Variants in TNS1 observed in about 807,000 individuals in gnomAD.
TNS1 encodes tensin-1.
In TNS1, 62 loss-of-function variants were observed where a neutral mutation model predicts 168.6. The observed-to-expected ratio is 0.37, with a 90% CI of 0.30 to 0.45. The LOEUF is 0.45. TNS1 is among the 20% of genes least tolerant of loss of function. The pLI is 1.00. For missense variants in TNS1, 2,240 were observed against 2,339.4 expected (o/e 0.96, Z 0.88); for synonymous variants, 934 against 933.2 (o/e 1.00, Z -0.02).
intron 24 of TNS1, among the ~76,000 whole-genome samples, chr2:217,815,858 T>C (rs1574594252): frequency 1.3e-5 from 2 of 152,210 alleles, no homozygotes; most frequent in Admixed American, 1.3e-4. Context: ...GCCTATGTTC[T>C]GCATCACATA....
At chr2:217,937,389 C>T (rs1046847075) in intron 3 of TNS1, among the ~76,000 whole-genome samples, 4 of 152,168 alleles carry the variant, frequency 2.6e-5, no homozygotes, top group South Asian at 2.1e-4. Flanking sequence ...GAGCCAACCC[C>T]TGGGGCTGGC....
rs772128757 is a variant in TNS1 at position 217,895,042 on chromosome 2, A to G, written c.558T>C (p.Ser186=). ...HGGNYLLFNL[S]ERRPDITKLH... ...GCTTCGTGATGTCAGGTCTCCGCTC[A>G]GAGAGGTTGAACAGCTAGAAGGAGC... The change falls in exon 9 of 33, where the codon TCT becomes TCC. Residue 186 remains serine, a synonymous_variant. Coordinates refer to ENST00000682258, the MANE Select transcript of TNS1 (RefSeq NM_001387777.1). 1.2e-6 allele frequency: 2 copies of G among 1,612,222 alleles called. No homozygotes were observed. The highest frequency in any genetic ancestry group is 3.3e-5 in the Admixed American group (2 of 59,848).
At chr2:217,844,246 T>C (rs967607732) in intron 19 of TNS1, among the ~76,000 whole-genome samples, 3 of 152,120 alleles carry the variant, frequency 2.0e-5, no homozygotes, top group African/African-American at 7.2e-5. Context: ...ACTTAGGCTA[T>C]CTAATAAGCT....
At chr2:217,886,148 C>T (rs371614233) in intron 13 of TNS1, 44 bp from the exon 14 acceptor site, 13 of 1,604,694 alleles carry the variant, frequency 8.1e-6, no homozygotes, top group African/African-American at 1.3e-5. Flanking sequence ...CAGAAACTGG[C>T]AGGCAGGAGG....
intron 18 of TNS1, among the ~76,000 whole-genome samples, chr2:217,856,703 A>G (rs1948179441): frequency 6.6e-6 from 1 of 152,170 alleles, no homozygotes; most frequent in South Asian, 2.1e-4. Context: ...AAAATTACCA[A>G]AGATTTTTTG....
At chr2:217,891,172 G>A in intron 11 of TNS1, 127 bp from the exon 12 acceptor site, 1 of 816,640 alleles carries the variant, frequency 1.2e-6, no homozygotes, top group African/African-American at 1.7e-5. Context: ...CTGGAGGGAA[G>A]ACAAGCCTCT....
chr2:217,975,296 C>G (rs530275480), intron 3 of TNS1, among the ~76,000 whole-genome samples: 1 of 152,290 alleles, frequency 6.6e-6, no homozygotes, highest in Non-Finnish European at 1.5e-5. Flanking sequence ...CAGAACCAGT[C>G]AGCTAAGCCA....
chr2:217,957,327 A>T (rs3791888), intron 3 of TNS1, among the ~76,000 whole-genome samples: 1 of 151,516 alleles, frequency 6.6e-6, no homozygotes, highest in African/African-American at 2.4e-5. Flanking sequence ...AAGGTGCCGC[A>T]CTCCTCCCAC....
chr2:217,886,595 G>T lies in TNS1; in HGVS notation c.918C>A (p.Asn306Lys), dbSNP rs1951225075. The change falls in exon 13 of 33, where the codon AAC (asparagine) becomes AAA (lysine). Residue 306 changes from asparagine to lysine, a missense_variant. By Grantham distance (94) the Asn-to-Lys change is moderately conservative (BLOSUM62 0). Transcript: ENST00000682258. ...TCACGTGGTGCAGAAACAAGGGCTT[G>T]TTGTTCATTTTGATGGAGCCGGAGA... ...GLLSGSIKMN[N>K]KPLFLHHVIM... 1.2e-6 allele frequency: 2 copies of T among 1,605,098 alleles called. No homozygotes were observed. The highest frequency in any genetic ancestry group is 1.7e-6 in the Non-Finnish European group (2 of 1,176,212).
rs193257545 is a variant in TNS1, at chr2:217,908,564, G to A, written c.229-1313C>T. ...ATGTCCAAAGGCAGGGGAATGGACAGAATGATCCTCTAAAAGGTTCCGGCG... is the reference window on the plus strand; with the variant it reads ...ATGTCCAAAGGCAGGGGAATGGACAAAATGATCCTCTAAAAGGTTCCGGCG... On this transcript the variant is annotated intron_variant, in intron 4 of 32. Transcript: ENST00000682258. Among the ~76,000 whole-genome samples, 78 of 152,322 alleles carry A rather than the reference G, an allele frequency of 5.1e-4. 2 individuals carry two copies. Among genetic ancestry groups the A allele is most frequent in the African/African-American group, 1.8e-3 (75 of 41,574 alleles).
rs1490622019 is a variant in TNS1 at position 217,882,326 on chromosome 2, A to C, written c.1312+20T>G. 2 of 1,551,822 alleles carry C rather than the reference A, an allele frequency of 1.3e-6. No homozygotes were observed. Among genetic ancestry groups the C allele is most frequent in the Non-Finnish European group, 1.8e-6 (2 of 1,127,606 alleles). The stretch of plus-strand genomic sequence containing the variant: ...GATAAAAGGAAGGAGTGAGAGAATG[A>C]ATTCTAACTCGGCTTATACCTTGAA... On this transcript the variant is annotated intron_variant, in intron 17 of 32. Coordinates refer to ENST00000682258, the MANE Select transcript of TNS1 (RefSeq NM_001387777.1).
chr2:217,930,414 CAA>C (rs1559369394), intron 3 of TNS1, among the ~76,000 whole-genome samples: 2 of 152,248 alleles, frequency 1.3e-5, no homozygotes, highest in East Asian at 3.9e-4. Context: ...TCAGAGAACA[CAA>C]AGAGACCAGT....
chr2:217,833,748 C>T (rs1944790345), intron 21 of TNS1, among the ~76,000 whole-genome samples: 1 of 152,258 alleles, frequency 6.6e-6, no homozygotes, highest in Non-Finnish European at 1.5e-5. Context: ...TGAACAGAGA[C>T]ATGCCATAAG....
chr2:217,967,809 A>G (rs139879830), intron 3 of TNS1, among the ~76,000 whole-genome samples: 8 of 152,342 alleles, frequency 5.3e-5, no homozygotes, highest in Middle Eastern at 3.4e-3. Flanking sequence ...CACCTCTCAA[A>G]TCATTCTATG....
In TNS1 at chr2:217,931,472, C is replaced by T. The variant is rs907581696; in HGVS notation, c.187-11236G>A. On this transcript the variant is annotated intron_variant, in intron 3 of 32. Coordinates refer to ENST00000682258, the MANE Select transcript of TNS1 (RefSeq NM_001387777.1). ...CCACGGGGACATGTGAGGGTAGGTG[C>T]GGGGGGCTAAGCCAGGCCCAAAATA... 5.3e-5 allele frequency among the ~76,000 whole-genome samples: 8 copies of T among 152,146 alleles called. No individual in the cohort carries two copies. In the East Asian group the frequency reaches 5.8e-4, roughly 11 times the overall value.
chr2:217,952,857 C>A lies in TNS1; in HGVS notation c.186+25908G>T, dbSNP rs75953909. Among the ~76,000 whole-genome samples, 425 of 152,290 alleles carry A rather than the reference C, an allele frequency of 2.8e-3. 1 individual carries two copies. Among genetic ancestry groups the A allele is most frequent in the African/African-American group, 9.8e-3 (408 of 41,564 alleles). On this transcript the variant is annotated intron_variant, in intron 3 of 32. Transcript: ENST00000682258. ...ACTCCAAGCCCTCCCCAAGGCCACC[C>A]AATCAAGGCTCACAAAATGTTGAGG...
rs1311678632 is a variant in TNS1 at position 217,948,274 on chromosome 2, T to A, written c.187-28038A>T. 1.3e-5 allele frequency among the ~76,000 whole-genome samples: 2 copies of A among 152,160 alleles called. No homozygotes were observed. Among genetic ancestry groups the A allele is most frequent in the African/African-American group, 2.4e-5 (1 of 41,438 alleles). The stretch of plus-strand genomic sequence containing the variant: ...GGGAAGTGTTAGTCTCTGGGGCAAT[T>A]ACTGGAGCCGCCTCCTCTAGCACCC... On this transcript the variant is annotated intron_variant, in intron 3 of 32. Coordinates refer to ENST00000682258, the MANE Select transcript of TNS1 (RefSeq NM_001387777.1). This position sits in a 1 kb window ranked among gnomAD's most constrained non-coding sequence, Gnocchi z 4.1.
At chr2:217,906,463 G>A (rs1283486132) in intron 5 of TNS1, 78 bp from the exon 6 acceptor site, 7 of 698,200 alleles carry the variant, frequency 1.0e-5, no homozygotes, top group Admixed American at 2.0e-5. Flanking sequence ...TTTGTCAGGA[G>A]CGGCAGATGA....
intron 19 of TNS1, 59 bp from the exon 20 acceptor site, chr2:217,836,270 C>T (rs988128018): frequency 3.2e-5 from 48 of 1,505,212 alleles, no homozygotes; most frequent in Middle Eastern, 2.4e-4. Flanking sequence ...AATGATCAAT[C>T]GGCCTAATCC....
Sources: gnomAD v4.1 joint callset for allele counts (sites outside exome capture counted in the v4.1 genomes callset) on GRCh38, gnomAD v4.1.1 for gene constraint, Gnocchi (gnomAD v3.1) non-coding constraint, MANE v1.5 for transcripts, NCBI Gene and HGNC (gene_info 2026-07-23, HGNC 2026-07-21) for gene names.